FNIP1: variants seen among roughly 807,000 people sequenced by gnomAD.
FNIP1 encodes the protein folliculin interacting protein 1.
Under a neutral mutation model 124.5 loss-of-function variants are expected in FNIP1, and 40 were observed. The observed-to-expected ratio is 0.32, with a 90% CI of 0.25 to 0.42. The LOEUF is 0.42. FNIP1 is among the 10% of genes least tolerant of loss of function. The probability of loss-of-function intolerance (pLI) is 1.00; values close to 1 mark genes in which losing one functional copy is unlikely to be tolerated. For missense variants in FNIP1, 1,176 were observed against 1,403.7 expected, an observed-to-expected ratio of 0.84 and a Z score of 2.59; for synonymous variants, 472 against 470.6, an observed-to-expected ratio of 1.00 and a Z score of -0.04.
At chr5:131,719,577 A>C (rs976664951) in intron 3 of FNIP1, among the ~76,000 whole-genome samples, 160 bp from the exon 4 acceptor site, 2 of 152,196 alleles carry the variant, frequency 1.3e-5, no homozygotes, top group Non-Finnish European at 2.9e-5. Context: ...CTTCCTTTTA[A>C]AATGTTTTCT....
chr5:131,690,071 A>T (rs2149524522), intron 11 of FNIP1, among the ~76,000 whole-genome samples: 1 of 152,094 alleles, frequency 6.6e-6, no homozygotes, highest in South Asian at 2.1e-4. Context: ...ATACAAAAAA[A>T]AATTAGCCGG....
At chr5:131,689,083 A>T (rs957893474) in intron 11 of FNIP1, among the ~76,000 whole-genome samples, 1 of 152,026 alleles carries the variant, frequency 6.6e-6, no homozygotes, top group African/African-American at 2.4e-5. Context: ...TAATGGAAGT[A>T]AGAAGGACAA....
intron 15 of FNIP1, among the ~76,000 whole-genome samples, chr5:131,667,067 C>A (rs1225386436): frequency 1.3e-5 from 2 of 152,184 alleles, no homozygotes; most frequent in African/African-American, 4.8e-5. Flanking sequence ...GAAACGGTTC[C>A]TTTACCCTGA....
At chr5:131,647,248 T>C (rs1039199185) in intron 16 of FNIP1, 43 bp from the exon 17 acceptor site, 2 of 1,461,210 alleles carry the variant, frequency 1.4e-6, no homozygotes, top group African/African-American at 2.8e-5. Context: ...GAAAACAGTT[T>C]GCAACTCTCA....
At chr5:131,728,151 T>G (rs1769952378) in intron 3 of FNIP1, among the ~76,000 whole-genome samples, 1 of 152,162 alleles carries the variant, frequency 6.6e-6, no homozygotes, top group South Asian at 2.1e-4. Context: ...GACGATTATG[T>G]GTCTTGGGGT....
intron 5 of FNIP1, among the ~76,000 whole-genome samples, chr5:131,717,146 C>A (rs1369819794): frequency 2.0e-5 from 3 of 151,372 alleles, no homozygotes; most frequent in African/African-American, 7.3e-5. Flanking sequence ...CCTCACCCCA[C>A]CCCACGACAG....
intron 1 of FNIP1, among the ~76,000 whole-genome samples, chr5:131,768,462 A>G (rs1771512604): frequency 1.3e-5 from 1 of 79,510 alleles, no homozygotes. Context: ...TGGGTCATAC[A>G]CAGTTTTTTT....
Position 131,719,320 on chromosome 5 carries a change from A to C in FNIP1, c.452T>G (p.Ile151Ser). The change falls in exon 4 of 18, where the codon ATT becomes AGT. Residue 151 changes from isoleucine to serine, a missense_variant. Ile to Ser is a moderately radical substitution (Grantham distance 142). Coordinates refer to ENST00000510461, the MANE Select transcript of FNIP1 (RefSeq NM_133372.3). Reference protein sequence around the residue: ...YKGSTLKIHQIRSPPQLMLSK... With the variant: ...YKGSTLKIHQSRSPPQLMLSK... ...AAAAAATCAGAAAACCTCTCACCGA[A>C]TCTGATGAATTTTTAAGGTGGATCC... 1 of 1,601,402 alleles carries C rather than the reference A, an allele frequency of 6.2e-7. No individual in the cohort carries two copies. The highest frequency in any genetic ancestry group is 8.5e-7 in the Non-Finnish European group (1 of 1,176,800).
chr5:131,743,714 G>C (rs1191087703), intron 2 of FNIP1, among the ~76,000 whole-genome samples: 1 of 152,104 alleles, frequency 6.6e-6, no homozygotes, highest in Admixed American at 6.5e-5. Context: ...GACTTGAAGA[G>C]TTCTCTTGCC....
chr5:131,762,459 A>G (rs1771263166), intron 1 of FNIP1, among the ~76,000 whole-genome samples: 2 of 152,234 alleles, frequency 1.3e-5, no homozygotes, highest in South Asian at 4.1e-4. Context: ...ACATTTCTCA[A>G]AAGAAGACAT....
At chr5:131,788,694 C>CAAAAAAAAAAAAAAAAAAAAAA (rs10715343) in intron 1 of FNIP1, among the ~76,000 whole-genome samples, 1 of 58,132 alleles carries the variant, frequency 1.7e-5, no homozygotes, top group Non-Finnish European at 3.9e-5. Flanking sequence ...GACTCTGTCT[C>CAAAAAAAAAAAAAAAAAAAAAA]AAAAAAAAAA....
chr5:131,655,686 T>C (rs1236407010), intron 15 of FNIP1, among the ~76,000 whole-genome samples: 2 of 148,742 alleles, frequency 1.3e-5, no homozygotes, highest in East Asian at 4.0e-4. Context: ...ATATCTCAGT[T>C]AAAAACTAAT....
At chr5:131,679,324 T>C in intron 11 of FNIP1, 149 bp from the exon 12 acceptor site, 1 of 608,014 alleles carries the variant, frequency 1.6e-6, no homozygotes, top group South Asian at 2.1e-5. Context: ...CTTCTTTCCT[T>C]GTCAACAACA....
intron 1 of FNIP1, among the ~76,000 whole-genome samples, chr5:131,793,496 A>G (rs1022820181): frequency 3.5e-4 from 54 of 152,322 alleles, no homozygotes; most frequent in African/African-American, 1.2e-3. Flanking sequence ...AATTCTATAA[A>G]TGACTGAAAA....
chr5:131,780,391 C>G (rs1280997210), intron 1 of FNIP1, among the ~76,000 whole-genome samples: 2 of 152,262 alleles, frequency 1.3e-5, no homozygotes, highest in East Asian at 3.9e-4. Flanking sequence ...GAAAAAGGCA[C>G]AGAACAGAAG....
chr5:131,695,202 A>C (rs980452275), intron 11 of FNIP1, among the ~76,000 whole-genome samples: 2 of 152,154 alleles, frequency 1.3e-5, no homozygotes, highest in African/African-American at 4.8e-5. Flanking sequence ...CTATATGAAA[A>C]AACTGCTATT....
At chr5:131,671,451 G>A (rs1767745349) in intron 14 of FNIP1, 54 bp downstream of exon 14, 7 of 1,358,742 alleles carry the variant, frequency 5.2e-6, no homozygotes, top group Admixed American at 2.2e-5. Flanking sequence ...AGCTAAAAAA[G>A]AGAATGGTAC....
At chr5:131,787,558 T>C (rs1313328472) in intron 1 of FNIP1, among the ~76,000 whole-genome samples, 1 of 152,200 alleles carries the variant, frequency 6.6e-6, no homozygotes, top group Non-Finnish European at 1.5e-5. Context: ...AACTTAAACA[T>C]CTAAGTTCAA....
intron 1 of FNIP1, among the ~76,000 whole-genome samples, chr5:131,787,243 GAGTAC>G (rs896571563): frequency 1.3e-5 from 2 of 152,192 alleles, no homozygotes; most frequent in Non-Finnish European, 2.9e-5. Context: ...GAAAATCTTG[GAGTAC>G]AGAGTCTTGT....
Sources: gnomAD v4.1 joint callset for allele counts (sites outside exome capture counted in the v4.1 genomes callset) on GRCh38, gnomAD v4.1.1 for gene constraint, MANE v1.5 for transcripts, NCBI Gene and HGNC (gene_info 2026-07-23, HGNC 2026-07-21) for gene names.